The following ESR2 variants were observed in gnomAD, a reference collection of about 807,000 sequenced individuals.
ESR2 encodes estrogen receptor beta.
ESR2 carries 36 observed loss-of-function variants against 49.6 expected under a neutral mutation model. The observed-to-expected ratio is 0.73, with a 90% confidence interval of 0.56 to 0.96. The LOEUF is 0.96. Among genes scored for constraint, ESR2 ranks in the 40% least tolerant of loss-of-function variants. The pLI, the probability that ESR2 is intolerant of heterozygous loss-of-function variation, is 0.00. For synonymous variants in ESR2, 320 were observed against 266.1 expected (o/e 1.20, Z -1.97); for missense variants, 714 against 693.0 (o/e 1.03, Z -0.34).
At chr14:64,282,513 G>T in intron 2 of ESR2, 111 bp downstream of exon 2, 1 of 1,182,990 alleles carries the variant, frequency 8.5e-7, no homozygotes, top group Non-Finnish European at 1.2e-6. Flanking sequence ...AGTAAACTAT[G>T]TAATTAATAC....
chr14:64,280,880 C>T (rs2140812504), intron 2 of ESR2, among the ~76,000 whole-genome samples: 1 of 152,214 alleles, frequency 6.6e-6, no homozygotes, highest in Middle Eastern at 3.4e-3. Flanking sequence ...CATGGTGGTG[C>T]ACACCTGTAA....
intron 1 of ESR2, among the ~76,000 whole-genome samples, chr14:64,301,026 G>A (rs2077015760): frequency 6.6e-6 from 1 of 152,164 alleles, no homozygotes; most frequent in African/African-American, 2.4e-5. Context: ...ACAATCCAAT[G>A]AGGTGGGTAC....
At chr14:64,296,978 G>T (rs913217781), upstream of ESR2, among the ~76,000 whole-genome samples, 1 of 152,124 alleles carries the variant, frequency 6.6e-6, no homozygotes, top group African/African-American at 2.4e-5. Flanking sequence ...CAATGATGAA[G>T]GGATTATTCT....
At chr14:64,302,838 G>A (rs147484397) in intron 1 of ESR2, among the ~76,000 whole-genome samples, 14 of 151,950 alleles carry the variant, frequency 9.2e-5, no homozygotes, top group East Asian at 5.8e-4. Context: ...CACTGTTGTC[G>A]CCCAGGCTGG....
chr14:64,316,754 A>G (rs2077260962), intron 1 of ESR2, among the ~76,000 whole-genome samples: 1 of 152,124 alleles, frequency 6.6e-6, no homozygotes, highest in African/African-American at 2.4e-5. Context: ...AGTTACAGTG[A>G]GCCCAGATCC....
At chr14:64,235,172 G>A (rs751866123) in intron 7 of ESR2, 22 bp from the exon 8 acceptor site, 1 of 1,603,856 alleles carries the variant, frequency 6.2e-7, no homozygotes, top group Non-Finnish European at 8.5e-7. Context: ...ATAAAAGCCA[G>A]AAGTCATTGC....
intron 1 of ESR2, among the ~76,000 whole-genome samples, chr14:64,292,794 G>T (rs61984417): frequency 0.011 from 1,618 of 152,210 alleles, 15 homozygotes; most frequent in Non-Finnish European, 0.014. Context: ...ATATGGTTAT[G>T]AGTTGAATTT....
intron 1 of ESR2, among the ~76,000 whole-genome samples, chr14:64,324,137 C>G (rs2077361485): frequency 6.6e-6 from 1 of 152,220 alleles, no homozygotes; most frequent in African/African-American, 2.4e-5. Context: ...ACCGCGCCGC[C>G]TGGTACCCTT....
chr14:64,277,977 A>G (rs1414583187), intron 3 of ESR2, among the ~76,000 whole-genome samples: 3 of 21,446 alleles, frequency 1.4e-4, no homozygotes. Context: ...CCCAAAAGCA[A>G]AAAAAAAAAA....
downstream of ESR2, chr14:64,227,011 A>C (rs1055381716): frequency 6.5e-6 from 1 of 153,590 alleles, no homozygotes; most frequent in African/African-American, 2.4e-5. Context: ...CTCCATGGCA[A>C]ATGAACAGGC....
intron 7 of ESR2, among the ~76,000 whole-genome samples, chr14:64,240,307 C>T (rs1022485642): frequency 1.3e-5 from 2 of 152,242 alleles, no homozygotes; most frequent in African/African-American, 4.8e-5. Flanking sequence ...CATCTAGCAG[C>T]AACCAAATGC....
intron 5 of ESR2, 21 bp downstream of exon 5, chr14:64,260,428 C>T: frequency 6.6e-7 from 1 of 1,523,608 alleles, no homozygotes; most frequent in Non-Finnish European, 8.8e-7. Flanking sequence ...ACATGGAAAA[C>T]TGATAGCCAG....
intron 1 of ESR2, among the ~76,000 whole-genome samples, chr14:64,323,058 A>C (rs927475473): frequency 6.6e-6 from 1 of 152,224 alleles, no homozygotes; most frequent in Non-Finnish European, 1.5e-5. Context: ...TTGTGAAGAC[A>C]CCATTACCCT....
chr14:64,319,172 T>C (rs2077295704), intron 1 of ESR2, among the ~76,000 whole-genome samples: 2 of 152,200 alleles, frequency 1.3e-5, no homozygotes, highest in African/African-American at 4.8e-5. Context: ...GAAAGGATAG[T>C]CTTTTCAACA....
At position 64,260,764 on chromosome 14, in the gene ESR2, G is replaced by C. The variant is rs200227101; in HGVS notation, c.653-16C>G. ...CTCCGGGAGCCTGAAGAGGAAAGCAGAGTCATTCGAATTGCCAGGGTAAAA... is the reference window on the plus strand; with the variant it reads ...CTCCGGGAGCCTGAAGAGGAAAGCACAGTCATTCGAATTGCCAGGGTAAAA... On this transcript the variant is annotated splice_polypyrimidine_tract_variant and intron_variant, in intron 4 of 8. Transcript: ENST00000341099. The C allele has an allele frequency of 3.9e-5, 56 of 1,443,214 alleles. No homozygotes were observed. Among genetic ancestry groups the C allele is most frequent in the Non-Finnish European group, 4.7e-5 (52 of 1,097,718 alleles). 89.4% of individuals were successfully genotyped at this position (1,443,214 alleles called of 1,614,324 possible). A position where few individuals can be genotyped will look rare whatever the true frequency, so the allele number is the denominator to read the frequency against.
At chr14:64,266,245 T>C (rs1049690408) in intron 4 of ESR2, among the ~76,000 whole-genome samples, 14 of 151,272 alleles carry the variant, frequency 9.3e-5, no homozygotes, top group African/African-American at 3.2e-4. Flanking sequence ...AAAACTAAAA[T>C]TGAGTGTCAG....
intron 3 of ESR2, among the ~76,000 whole-genome samples, chr14:64,271,658 T>C: frequency 6.6e-6 from 1 of 152,242 alleles, no homozygotes; most frequent in Non-Finnish European, 1.5e-5. Context: ...AGTGAGAACA[T>C]GGGAGGTTTG....
intron 4 of ESR2, among the ~76,000 whole-genome samples, chr14:64,262,597 G>A (rs1009271081): frequency 2.0e-5 from 3 of 148,586 alleles, no homozygotes; most frequent in African/African-American, 7.3e-5. Context: ...TAAAGGAATT[G>A]AAACATGGCC....
chr14:64,279,341 C>G (rs1487711756), intron 3 of ESR2, among the ~76,000 whole-genome samples: 1 of 152,050 alleles, frequency 6.6e-6, no homozygotes, highest in Non-Finnish European at 1.5e-5. Flanking sequence ...CAGAATAAAT[C>G]TCTTCAAATA....
Sources: allele counts gnomAD v4.1 joint callset (sites outside exome capture counted in the v4.1 genomes callset), GRCh38; gene constraint gnomAD v4.1.1; transcripts MANE v1.5; gene names NCBI Gene and HGNC (gene_info 2026-07-23, HGNC 2026-07-21).